The following BTRC variants were observed in gnomAD, a reference collection of about 807,000 sequenced individuals.
The protein encoded by BTRC is beta-transducin repeat containing E3 ubiquitin protein ligase.
A neutral mutation model predicts 85.5 loss-of-function variants in BTRC; 42 were observed. That is an observed-to-expected ratio of 0.49 (90% confidence interval 0.38 to 0.64). BTRC has a LOEUF of 0.64. Ranked by LOEUF, BTRC falls within the 30% of genes least tolerant of loss-of-function variation. The probability of loss-of-function intolerance (pLI) is 0.00; values close to 1 mark genes in which losing one functional copy is unlikely to be tolerated. For missense variants in BTRC, 594 were observed against 743.5 expected (o/e 0.80, Z 2.34); for synonymous variants, 255 against 263.3 (o/e 0.97, Z 0.30).
intron 2 of BTRC, among the ~76,000 whole-genome samples, chr10:101,436,958 A>G (rs1438514447): frequency 1.3e-5 from 2 of 152,204 alleles, no homozygotes; most frequent in Admixed American, 1.3e-4. Flanking sequence ...ATTTTAGAGG[A>G]ATATGGATTA....
At chr10:101,459,768 G>T (rs1338709834) in intron 2 of BTRC, among the ~76,000 whole-genome samples, 1 of 152,096 alleles carries the variant, frequency 6.6e-6, no homozygotes, top group Non-Finnish European at 1.5e-5. Context: ...TACCCACCCA[G>T]TGGTTATCCA....
intron 1 of BTRC, among the ~76,000 whole-genome samples, chr10:101,368,163 C>T (rs745323285): frequency 2.6e-5 from 4 of 152,140 alleles, no homozygotes; most frequent in East Asian, 1.9e-4. Context: ...AGTGAGTTCT[C>T]GCTCCATTAG....
At chr10:101,524,398 C>G (rs767077521) in intron 5 of BTRC, among the ~76,000 whole-genome samples, 1 of 152,170 alleles carries the variant, frequency 6.6e-6, no homozygotes, top group Non-Finnish European at 1.5e-5. Context: ...CCTGTGTATC[C>G]TTTACCTAAT....
chr10:101,373,681 G>A (rs1942704548), intron 1 of BTRC, among the ~76,000 whole-genome samples: 3 of 152,288 alleles, frequency 2.0e-5, no homozygotes, highest in Admixed American at 6.5e-5. Context: ...ACTTTGGGAG[G>A]CCGAGGTGGG....
At chr10:101,486,151 G>C (rs766957632) in intron 4 of BTRC, among the ~76,000 whole-genome samples, 1 of 152,132 alleles carries the variant, frequency 6.6e-6, no homozygotes, top group African/African-American at 2.4e-5. Flanking sequence ...CTCAGAGATC[G>C]GCAGGAGTCC....
At chr10:101,542,218 T>C (rs1359879462) in intron 13 of BTRC, among the ~76,000 whole-genome samples, 7 of 152,190 alleles carry the variant, frequency 4.6e-5, no homozygotes, top group Admixed American at 3.9e-4. Flanking sequence ...TCATATTCCC[T>C]TATTATCCTT....
Position 101,439,856 on chromosome 10 carries a change from A to C in BTRC, c.156+9404A>C, listed in dbSNP as rs79563587. ...TTTTTGTGGAGGCAGGAAGTTGGGA[A>C]GGTGGTATTGGGTAAAGAGATGCAG... On this transcript the variant is annotated intron_variant, in intron 2 of 14. Coordinates refer to ENST00000370187, the MANE Select transcript of BTRC (RefSeq NM_033637.4). Among the ~76,000 whole-genome samples, 1,339 of 152,338 alleles carry C rather than the reference A, an allele frequency of 8.8e-3. 19 individuals carry two copies. The highest frequency in any genetic ancestry group is 0.03 in the African/African-American group (1,264 of 41,570).
chr10:101,358,969 G>A (rs190500186), intron 1 of BTRC, among the ~76,000 whole-genome samples: 4 of 152,268 alleles, frequency 2.6e-5, no homozygotes, highest in Admixed American at 2.6e-4. Context: ...CTAGTTGGAT[G>A]TTAAGGCTAA....
intron 4 of BTRC, among the ~76,000 whole-genome samples, chr10:101,512,803 T>C (rs758999188): frequency 6.6e-6 from 1 of 152,232 alleles, no homozygotes; most frequent in Non-Finnish European, 1.5e-5. Context: ...TTTTGTGTGC[T>C]TGTCACCTGA....
chr10:101,510,403 C>A (rs974259827), intron 4 of BTRC, among the ~76,000 whole-genome samples: 1 of 150,468 alleles, frequency 6.6e-6, no homozygotes, highest in Non-Finnish European at 1.5e-5. Context: ...CCAGCTACTC[C>A]GGAGGCTGAG....
At chr10:101,441,101 T>A (rs1944668063) in intron 2 of BTRC, among the ~76,000 whole-genome samples, 1 of 152,214 alleles carries the variant, frequency 6.6e-6, no homozygotes, top group African/African-American at 2.4e-5. Context: ...ATCATTCTTG[T>A]AGAAATTGAT....
At chr10:101,432,290 T>C (rs1381140549) in intron 2 of BTRC, among the ~76,000 whole-genome samples, 1 of 151,886 alleles carries the variant, frequency 6.6e-6, no homozygotes, top group Non-Finnish European at 1.5e-5. Flanking sequence ...CACACTTGGC[T>C]CATTTTTCTA....
At chr10:101,461,880 G>A in intron 2 of BTRC, 101 bp from the exon 3 acceptor site, 5 of 809,896 alleles carry the variant, frequency 6.2e-6, no homozygotes, top group Non-Finnish European at 4.0e-6. Context: ...ATAAATATAT[G>A]TATGTTCTAA....
intron 1 of BTRC, among the ~76,000 whole-genome samples, chr10:101,421,379 A>T (rs549620058): frequency 6.6e-6 from 1 of 152,136 alleles, no homozygotes; most frequent in Non-Finnish European, 1.5e-5. Flanking sequence ...ACTATTCTAG[A>T]TAGTCAGAAT....
chr10:101,411,953 T>C (rs1189889039), intron 1 of BTRC, among the ~76,000 whole-genome samples: 1 of 152,210 alleles, frequency 6.6e-6, no homozygotes, highest in Admixed American at 6.5e-5. Flanking sequence ...ATAGTTTTAG[T>C]GTAGCTTTTA....
At chr10:101,405,033 G>A (rs1447610325) in intron 1 of BTRC, among the ~76,000 whole-genome samples, 1 of 148,278 alleles carries the variant, frequency 6.7e-6, no homozygotes, top group Non-Finnish European at 1.5e-5. Flanking sequence ...ATGCCTTACT[G>A]TTTTGGGTTA....
At chr10:101,355,115 G>A (rs1438789220) in intron 1 of BTRC, among the ~76,000 whole-genome samples, 1 of 152,158 alleles carries the variant, frequency 6.6e-6, no homozygotes, top group Non-Finnish European at 1.5e-5. Flanking sequence ...AAAATTTAAA[G>A]GTAAATTGTG....
intron 4 of BTRC, among the ~76,000 whole-genome samples, chr10:101,493,589 T>C (rs1337043618): frequency 1.3e-5 from 2 of 152,240 alleles, no homozygotes; most frequent in Non-Finnish European, 2.9e-5. Context: ...GTCTATTGAA[T>C]GTTAACAATT....
At chr10:101,438,818 A>G (rs940787255) in intron 2 of BTRC, among the ~76,000 whole-genome samples, 3 of 152,178 alleles carry the variant, frequency 2.0e-5, no homozygotes, top group Admixed American at 2.0e-4. Flanking sequence ...AATTGGTAAA[A>G]TGAGGATAAA....
Sources: gnomAD v4.1 joint callset for allele counts (sites outside exome capture counted in the v4.1 genomes callset) on GRCh38, gnomAD v4.1.1 for gene constraint, MANE v1.5 for transcripts, NCBI Gene and HGNC (gene_info 2026-07-23, HGNC 2026-07-21) for gene names.